The following B3GALT1 variants were observed in gnomAD, a reference collection of about 807,000 sequenced individuals.
The protein encoded by B3GALT1 is UDP-Gal:betaGlcNAc beta 1,3-galactosyltransferase, polypeptide 1.
A neutral mutation model predicts 23.2 loss-of-function variants in B3GALT1; 10 were observed. That is an observed-to-expected ratio of 0.43 (90% confidence interval 0.27 to 0.73). B3GALT1 has a LOEUF of 0.73. B3GALT1 is among the 30% of genes least tolerant of loss of function. The pLI is 0.21. For synonymous variants in B3GALT1, 156 were observed against 141.5 expected (o/e 1.10, Z -0.73); for missense variants, 299 against 405.4 (o/e 0.74, Z 2.25).
At chr2:167,552,756 T>G (rs1487201076) in intron 2 of B3GALT1, among the ~76,000 whole-genome samples, 1 of 152,226 alleles carries the variant, frequency 6.6e-6, no homozygotes, top group African/African-American at 2.4e-5. Flanking sequence ...AGGATACTAG[T>G]GAGCTTTTCC....
intron 1 of B3GALT1, among the ~76,000 whole-genome samples, chr2:167,447,937 G>A (rs554242174): frequency 5.3e-5 from 8 of 152,108 alleles, no homozygotes; most frequent in South Asian, 4.1e-4. Flanking sequence ...CTTCTGCGTC[G>A]CTCATACTGG....
At chr2:167,747,292 A>G (rs1256468438) in intron 3 of B3GALT1, among the ~76,000 whole-genome samples, 1 of 152,184 alleles carries the variant, frequency 6.6e-6, no homozygotes, top group East Asian at 1.9e-4. Flanking sequence ...ACCAATCACA[A>G]TTTATTCCTT....
chr2:167,409,754 C>T (rs373463185), intron 1 of B3GALT1, among the ~76,000 whole-genome samples: 4 of 151,336 alleles, frequency 2.6e-5, no homozygotes, highest in South Asian at 4.2e-4. Context: ...GTTAGAATGG[C>T]GATCATTAAA....
intron 2 of B3GALT1, among the ~76,000 whole-genome samples, chr2:167,532,850 G>C (rs1268431977): frequency 7.1e-6 from 1 of 140,984 alleles, no homozygotes. Context: ...CAGTTTTACT[G>C]CATCTTTTTT....
intron 3 of B3GALT1, among the ~76,000 whole-genome samples, chr2:167,758,780 G>A (rs1375606800): frequency 6.6e-6 from 1 of 152,078 alleles, no homozygotes; most frequent in African/African-American, 2.4e-5. Context: ...TTTATATTAA[G>A]TCATCTCCCT....
chr2:167,590,117 C>T (rs887854904), intron 2 of B3GALT1, among the ~76,000 whole-genome samples: 6 of 151,964 alleles, frequency 3.9e-5, no homozygotes, highest in Admixed American at 2.6e-4. Flanking sequence ...GAGGCCGAGG[C>T]GGGCGGATCA....
intron 2 of B3GALT1, among the ~76,000 whole-genome samples, chr2:167,503,762 G>A (rs566868184): frequency 2.5e-3 from 380 of 152,200 alleles, no homozygotes; most frequent in African/African-American, 8.9e-3. Context: ...ATCACAGGAG[G>A]TCTCTAATGC....
intron 2 of B3GALT1, among the ~76,000 whole-genome samples, chr2:167,615,655 TAA>T (rs201476994): frequency 1.1e-4 from 16 of 150,980 alleles, no homozygotes; most frequent in African/African-American, 3.9e-4. Context: ...AATTAAAAAA[TAA>T]AAAAAAATTG....
At chr2:167,349,909 T>G (rs150544515) in intron 1 of B3GALT1, among the ~76,000 whole-genome samples, 9 of 152,290 alleles carry the variant, frequency 5.9e-5, no homozygotes, top group African/African-American at 2.2e-4. Context: ...AAATTTTTCT[T>G]TGTAAATAAT....
intron 1 of B3GALT1, among the ~76,000 whole-genome samples, chr2:167,437,440 T>C (rs1698807640): frequency 6.6e-6 from 1 of 152,218 alleles, no homozygotes; most frequent in South Asian, 2.1e-4. Context: ...TTGGATCTGA[T>C]AACTTCTGCA....
chr2:167,728,007 G>A (rs1687347111), intron 3 of B3GALT1, among the ~76,000 whole-genome samples: 1 of 152,158 alleles, frequency 6.6e-6, no homozygotes. Flanking sequence ...TCTAGTCCTG[G>A]AGATTTGGCT....
At chr2:167,384,613 T>G (rs140166112) in intron 1 of B3GALT1, among the ~76,000 whole-genome samples, 427 of 152,292 alleles carry the variant, frequency 2.8e-3, no homozygotes, top group African/African-American at 9.7e-3. Flanking sequence ...TGTCAGTCAC[T>G]GGGTTCCTCC....
chr2:167,748,879 A>G (rs1056259231), intron 3 of B3GALT1, among the ~76,000 whole-genome samples: 3 of 152,194 alleles, frequency 2.0e-5, no homozygotes, highest in Non-Finnish European at 2.9e-5. Flanking sequence ...ATAAGTGATG[A>G]GAATCATTCT....
At chr2:167,401,199 A>T (rs1355772385) in intron 1 of B3GALT1, among the ~76,000 whole-genome samples, 1 of 152,148 alleles carries the variant, frequency 6.6e-6, no homozygotes, top group Non-Finnish European at 1.5e-5. Context: ...AAATAGTTTG[A>T]TCACAGATAG....
intron 2 of B3GALT1, among the ~76,000 whole-genome samples, chr2:167,607,846 C>A (rs1001966916): frequency 2.0e-5 from 3 of 152,146 alleles, no homozygotes; most frequent in Non-Finnish European, 4.4e-5. Flanking sequence ...CAAGTGCCAA[C>A]AATTTCCATG....
At chr2:167,464,881 G>A (rs1699321338) in intron 1 of B3GALT1, among the ~76,000 whole-genome samples, 1 of 152,068 alleles carries the variant, frequency 6.6e-6, no homozygotes. Context: ...AATTTGTATT[G>A]GCATTGTGGT....
intron 1 of B3GALT1, among the ~76,000 whole-genome samples, chr2:167,352,126 A>T (rs1306119653): frequency 3.6e-5 from 5 of 138,256 alleles, no homozygotes; most frequent in Admixed American, 3.6e-4. Context: ...TACCCGGCTA[A>T]TTTTTTTTTT....
At chr2:167,296,552 C>T (rs927800612) in intron 1 of B3GALT1, among the ~76,000 whole-genome samples, 1 of 152,096 alleles carries the variant, frequency 6.6e-6, no homozygotes, top group Non-Finnish European at 1.5e-5. Flanking sequence ...AGGAATTTCG[C>T]CATGCTGCAT....
chr2:167,609,865 A>T (rs1028081978), intron 2 of B3GALT1, among the ~76,000 whole-genome samples: 3 of 152,148 alleles, frequency 2.0e-5, no homozygotes, highest in African/African-American at 4.8e-5. Flanking sequence ...AAGTGCAAGC[A>T]GGAAGAGAAT....
Sources: gnomAD v4.1 joint callset for allele counts (sites outside exome capture counted in the v4.1 genomes callset) on GRCh38, gnomAD v4.1.1 for gene constraint, MANE v1.5 for transcripts, NCBI Gene and HGNC (gene_info 2026-07-23, HGNC 2026-07-21) for gene names.